REXO5: variants seen among roughly 807,000 people sequenced by gnomAD.
REXO5 encodes the protein RNA exonuclease 5.
A neutral mutation model predicts 88.5 loss-of-function variants in REXO5; 48 were observed. The observed-to-expected ratio is 0.54, with a 90% CI of 0.43 to 0.69. REXO5 has a LOEUF of 0.69. REXO5 is among the 30% of genes least tolerant of loss of function. The pLI is 0.00. For synonymous variants in REXO5, 311 were observed against 336.5 expected, an observed-to-expected ratio of 0.92 and a Z score of 0.83; for missense variants, 749 against 912.2, an observed-to-expected ratio of 0.82 and a Z score of 2.30.
At position 20,827,355 on chromosome 16, in the gene REXO5, G is replaced by C; in HGVS notation, c.963G>C (p.Met321Ile). The change falls in exon 10 of 20, where the codon ATG becomes ATC. Residue 321 changes from methionine to isoleucine, a missense_variant and splice_region_variant. Transcript: ENST00000261377. Reference protein sequence around the residue: ...SLDLDLRALKMIHPYVIDTSL... With the variant: ...SLDLDLRALKIIHPYVIDTSL... ...ATTTTATTCTCTTTCTTCCTCAGAT[G>C]ATACATCCATATGTTATTGATACAT... 6.2e-7 allele frequency: 1 copy of C among 1,611,582 alleles called. No homozygotes were observed. Among genetic ancestry groups the C allele is most frequent in the Non-Finnish European group, 8.5e-7 (1 of 1,178,412 alleles).
At chr16:20,832,900 A>G in intron 12 of REXO5, 103 bp from the exon 13 acceptor site, 1 of 1,011,198 alleles carries the variant, frequency 9.9e-7, no homozygotes. Context: ...TAATAGCTAT[A>G]TATTGCTAGT....
At chr16:20,840,746 T>G (rs145248598) in intron 15 of REXO5, among the ~76,000 whole-genome samples, 62 of 152,098 alleles carry the variant, frequency 4.1e-4, no homozygotes, top group African/African-American at 1.3e-3. Flanking sequence ...GGAGGGAGGA[T>G]TGCTTGAGCC....
chr16:20,838,553 T>C (rs991469081), intron 13 of REXO5, among the ~76,000 whole-genome samples: 8 of 152,180 alleles, frequency 5.3e-5, no homozygotes, highest in African/African-American at 1.9e-4. Context: ...CTCCCAAACC[T>C]GTTCTGGAGA....
At chr16:20,830,209 C>A (rs1425064822) in intron 11 of REXO5, among the ~76,000 whole-genome samples, 1 of 151,954 alleles carries the variant, frequency 6.6e-6, no homozygotes, top group South Asian at 2.1e-4. Flanking sequence ...TTTTTTGAGA[C>A]AGAGTCTCAC....
intron 3 of REXO5, 42 bp downstream of exon 3, chr16:20,813,344 CTTTT>C (rs56875427): frequency 9.3e-3 from 5,849 of 628,516 alleles, no homozygotes; most frequent in Non-Finnish European, 0.01. Context: ...CCAGCGGTTT[CTTTT>C]TTTTTTTTTT....
chr16:20,812,906 A>G (rs1484053100), intron 2 of REXO5, among the ~76,000 whole-genome samples: 1 of 152,244 alleles, frequency 6.6e-6, no homozygotes, highest in Non-Finnish European at 1.5e-5. Flanking sequence ...TCTCCCTAGT[A>G]GAATGGACTC....
At chr16:20,828,620 A>G in intron 11 of REXO5, 83 bp downstream of exon 11, 1 of 963,938 alleles carries the variant, frequency 1.0e-6, no homozygotes, top group East Asian at 2.6e-5. Flanking sequence ...AACTCCTATT[A>G]TCTATTTTTA....
intron 15 of REXO5, among the ~76,000 whole-genome samples, chr16:20,841,340 G>T (rs1458534667): frequency 6.6e-6 from 1 of 152,052 alleles, no homozygotes; most frequent in Non-Finnish European, 1.5e-5. Flanking sequence ...ATCATGAAAA[G>T]AAAAATGGAA....
intron 15 of REXO5, among the ~76,000 whole-genome samples, chr16:20,840,679 G>T (rs2081513015): frequency 6.6e-6 from 1 of 152,150 alleles, no homozygotes; most frequent in Non-Finnish European, 1.5e-5. Context: ...AAAGAATTGA[G>T]AAATCTGGCT....
intron 15 of REXO5, among the ~76,000 whole-genome samples, chr16:20,843,296 A>G (rs2081558652): frequency 6.6e-6 from 1 of 152,054 alleles, no homozygotes; most frequent in Admixed American, 6.6e-5. Flanking sequence ...TAGCTATGTG[A>G]TTGCAACTAT....
intron 15 of REXO5, 123 bp downstream of exon 15, chr16:20,840,591 G>A (rs1040393121): frequency 1.3e-6 from 1 of 789,140 alleles, no homozygotes; most frequent in Non-Finnish European, 1.9e-6. Context: ...TGGAGTGTGA[G>A]ACATACTCTA....
Position 20,849,382 on chromosome 16 carries a change from T to G in REXO5, c.2244-17T>G, listed in dbSNP as rs546535071. Reference sequence around the variant, plus strand: ...CCTTATGGATAAAAACATACCTTTGTTTCTTATTTATTGCAGCACTCATGG... The same window carrying G: ...CCTTATGGATAAAAACATACCTTTGGTTCTTATTTATTGCAGCACTCATGG... On this transcript the variant is annotated splice_polypyrimidine_tract_variant and intron_variant, in intron 19 of 19. Transcript: ENST00000261377. 12 of 1,606,704 alleles carry G rather than the reference T, an allele frequency of 7.5e-6. No homozygotes were observed. In the South Asian group the frequency reaches 9.9e-5, roughly 13 times the overall value.
chr16:20,806,810 A>T lies in REXO5; in HGVS notation c.-3+105A>T, dbSNP rs2080886364. ...CCTTCGCTTTTTTAGGGGAACGGGGATAGTTCGGTAAACTGAATTGAGAAG... is the reference window on the plus strand; with the variant it reads ...CCTTCGCTTTTTTAGGGGAACGGGGTTAGTTCGGTAAACTGAATTGAGAAG... On this transcript the variant is annotated intron_variant, in intron 1 of 19. Coordinates refer to ENST00000261377, the MANE Select transcript of REXO5 (RefSeq NM_030941.3). The T allele has an allele frequency of 1.9e-5, 25 of 1,307,354 alleles. 1 individual carries two copies. In the South Asian group the frequency reaches 3.9e-4, roughly 20 times the overall value. 81.0% of individuals were successfully genotyped at this position (1,307,354 alleles called of 1,614,324 possible). A position where few individuals can be genotyped will look rare whatever the true frequency, so the allele number is the denominator to read the frequency against.
At chr16:20,841,871 C>T (rs1357245542) in intron 15 of REXO5, among the ~76,000 whole-genome samples, 8 of 152,192 alleles carry the variant, frequency 5.3e-5, no homozygotes, top group Non-Finnish European at 1.0e-4. Context: ...GCTGGGATTA[C>T]AGGCATGAGC....
At chr16:20,832,911 G>T in intron 12 of REXO5, 92 bp from the exon 13 acceptor site, 1 of 1,164,532 alleles carries the variant, frequency 8.6e-7, no homozygotes, top group South Asian at 1.8e-5. Flanking sequence ...TATTGCTAGT[G>T]GCTACCATAT....
At chr16:20,806,480 T>C (rs1021025830), upstream of REXO5, 10 of 1,549,352 alleles carry the variant, frequency 6.5e-6, no homozygotes, top group African/African-American at 1.4e-5. Flanking sequence ...GTCGCTCGAC[T>C]TCTACTTCCG....
chr16:20,814,439 G>A (rs1028965532), intron 3 of REXO5, among the ~76,000 whole-genome samples: 3 of 151,770 alleles, frequency 2.0e-5, no homozygotes, highest in South Asian at 4.2e-4. Flanking sequence ...ATGGGGTTTC[G>A]CCATGTTGCC....
chr16:20,841,598 A>T (rs1376800078), intron 15 of REXO5, among the ~76,000 whole-genome samples: 1 of 152,122 alleles, frequency 6.6e-6, no homozygotes, highest in Non-Finnish European at 1.5e-5. Context: ...GCTGTCTCTA[A>T]ATTTTTTAAT....
rs187849052 is a variant in REXO5, at chr16:20,818,298, T to A, written c.475+2086T>A. ...AATGTCATGAGGAATTTTGTTGGTT[T>A]TGTGCATTGGGGAATTCCTAGTGGC... On this transcript the variant is annotated intron_variant, in intron 5 of 19. Coordinates refer to ENST00000261377, the MANE Select transcript of REXO5 (RefSeq NM_030941.3). Among the ~76,000 whole-genome samples the A allele has an allele frequency of 3.3e-5, 5 of 152,336 alleles. No individual in the cohort carries two copies. In the East Asian group the frequency reaches 9.6e-4, roughly 29 times the overall value.
Sources: allele counts gnomAD v4.1 joint callset (sites outside exome capture counted in the v4.1 genomes callset), GRCh38; gene constraint gnomAD v4.1.1; transcripts MANE v1.5; gene names NCBI Gene and HGNC (gene_info 2026-07-23, HGNC 2026-07-21).